OLAH: variants seen among roughly 807,000 people sequenced by gnomAD.
OLAH encodes the protein oleoyl-ACP hydrolase.
A neutral mutation model predicts 27.8 loss-of-function variants in OLAH; 33 were observed. The ratio of observed to expected loss-of-function variants is 1.19; its 90% CI spans 0.90 to 1.59. The LOEUF is 1.59. Among genes scored for constraint, OLAH ranks in the 40% most tolerant of loss-of-function variants. The pLI is 0.00. For synonymous variants in OLAH, 120 were observed against 102.9 expected (o/e 1.17, Z -1.01); for missense variants, 359 against 310.8 (o/e 1.16, Z -1.17).
upstream of OLAH, among the ~76,000 whole-genome samples, chr10:15,042,955 G>A (rs1235015318): frequency 7.0e-6 from 1 of 143,582 alleles, no homozygotes; most frequent in African/African-American, 2.6e-5. Flanking sequence ...CCGCCTCCCG[G>A]GTTCACACCA....
At chr10:15,035,880 A>G (rs985060526) in intron 1 of OLAH, among the ~76,000 whole-genome samples, 3 of 152,046 alleles carry the variant, frequency 2.0e-5, no homozygotes, top group Non-Finnish European at 2.9e-5. Flanking sequence ...GACACTCTCC[A>G]CTGTCTCCTT....
Position 15,064,520 on chromosome 10 carries a change from T to G in OLAH, c.402+18T>G. On this transcript the variant is annotated intron_variant, in intron 5 of 7. Transcript: ENST00000378228. Reference sequence around the variant, plus strand: ...CTGTACATGTAAGTAATTTAGCTTTTTCCTAGGAAGGGCAGTGGAGAGCAG... The same window carrying G: ...CTGTACATGTAAGTAATTTAGCTTTGTCCTAGGAAGGGCAGTGGAGAGCAG... 1 of 1,467,964 alleles carries G rather than the reference T, an allele frequency of 6.8e-7. No individual in the cohort carries two copies. Among genetic ancestry groups the G allele is most frequent in the Non-Finnish European group, 9.3e-7 (1 of 1,075,872 alleles). The allele number at this position is 1,467,964 out of a possible 1,614,324, so 90.9% of individuals were successfully genotyped here.
At chr10:15,035,986 C>G (rs1391057995) in intron 1 of OLAH, among the ~76,000 whole-genome samples, 1 of 152,068 alleles carries the variant, frequency 6.6e-6, no homozygotes, top group East Asian at 1.9e-4. Context: ...CATGGCCTCC[C>G]AGGGGCTGAG....
chr10:15,066,679 C>T (rs973562199), intron 6 of OLAH, among the ~76,000 whole-genome samples: 15 of 151,086 alleles, frequency 9.9e-5, no homozygotes, highest in African/African-American at 3.2e-4. Context: ...CTCACTTTGT[C>T]GCCCAGGCTG....
chr10:15,050,086 C>T (rs1844103953), intron 3 of OLAH, among the ~76,000 whole-genome samples: 1 of 152,070 alleles, frequency 6.6e-6, no homozygotes, highest in Non-Finnish European at 1.5e-5. Flanking sequence ...TCTATTTTCC[C>T]TTTTCTGCTT....
chr10:15,037,742 A>T (rs968395471), intron 1 of OLAH, among the ~76,000 whole-genome samples: 1 of 152,134 alleles, frequency 6.6e-6, no homozygotes. Context: ...AGTATAGGAA[A>T]TCTCATATTG....
intron 6 of OLAH, among the ~76,000 whole-genome samples, chr10:15,070,000 G>A (rs1379524139): frequency 1.3e-5 from 2 of 152,114 alleles, no homozygotes; most frequent in Non-Finnish European, 2.9e-5. Context: ...TACCTCTTCC[G>A]CCTGGACATT....
chr10:15,051,268 G>T (rs150674805), intron 3 of OLAH, among the ~76,000 whole-genome samples: 4 of 151,916 alleles, frequency 2.6e-5, no homozygotes, highest in East Asian at 1.9e-4. Flanking sequence ...TAGAGACGAG[G>T]TTTCATAGTC....
rs371302185 is a variant in OLAH at position 15,061,874 on chromosome 10, C to A, written c.302+12C>A. 6.2e-7 allele frequency: 1 copy of A among 1,610,912 alleles called. No individual in the cohort carries two copies. Among genetic ancestry groups the A allele is most frequent in the Non-Finnish European group, 8.5e-7 (1 of 1,178,812 alleles). On this transcript the variant is annotated intron_variant, in intron 4 of 7. Transcript: ENST00000378228. ...TTTTTTGGCCACAGGTATTTGATAT[C>A]TGTTTTAAAAGACTTCAGGGGAGTT...
intron 3 of OLAH, among the ~76,000 whole-genome samples, chr10:15,055,942 T>C (rs1179812611): frequency 6.6e-6 from 1 of 151,856 alleles, no homozygotes; most frequent in African/African-American, 2.4e-5. Flanking sequence ...CTCCACCTCC[T>C]GGGTTCAAGC....
intron 3 of OLAH, among the ~76,000 whole-genome samples, chr10:15,052,671 A>C (rs1165442109): frequency 1.3e-5 from 2 of 150,654 alleles, no homozygotes; most frequent in Admixed American, 1.3e-4. Flanking sequence ...AAAGAGTCTG[A>C]TATCATCCTG....
At chr10:15,045,899 C>T (rs1414738917) in intron 1 of OLAH, among the ~76,000 whole-genome samples, 11 of 151,920 alleles carry the variant, frequency 7.2e-5, no homozygotes, top group Non-Finnish European at 7.4e-5. Flanking sequence ...AGCCTGGTGG[C>T]GGGTGCCTGT....
chr10:15,072,096 G>A (rs1196998221), intron 7 of OLAH, among the ~76,000 whole-genome samples: 2 of 152,022 alleles, frequency 1.3e-5, no homozygotes, highest in Non-Finnish European at 2.9e-5. Flanking sequence ...ACCATACCCG[G>A]CTATTTTTTG....
Position 15,047,295 on chromosome 10 carries a change from AG to A in OLAH, c.8del (p.Arg3LysfsTer27). ...TGCAACCTCACCTCACAGCATGGAG[AG>A]AGGAGACCAACCTAAGAGAACCAGG... ME[R>X]GDQPKRTRNE... On this transcript the variant is annotated frameshift_variant, in exon 2 of 8. Coordinates refer to ENST00000378228, the MANE Select transcript of OLAH (RefSeq NM_001039702.3). LOFTEE classifies it high-confidence loss of function. 1 of 1,613,336 alleles carries A rather than the reference AG, an allele frequency of 6.2e-7. No homozygotes were observed. The highest frequency in any genetic ancestry group is 8.5e-7 in the Non-Finnish European group (1 of 1,179,704).
chr10:15,059,863 T>C (rs1205196099), intron 3 of OLAH, among the ~76,000 whole-genome samples: 2 of 152,180 alleles, frequency 1.3e-5, no homozygotes, highest in Non-Finnish European at 2.9e-5. Flanking sequence ...TCTATGTCTC[T>C]CTTCTGTGGC....
Position 15,065,562 on chromosome 10 carries a change from GTGT to G in OLAH, c.403-14_403-12del, listed in dbSNP as rs768925519. ...GTGTGTTATATGAAATATCAGGCCTGTGTTGTTGTTCATGTTTCAAGTCAAAGG... is the reference window on the plus strand; with the variant it reads ...GTGTGTTATATGAAATATCAGGCCTGTGTTGTTCATGTTTCAAGTCAAAGG... On this transcript the variant is annotated intron_variant, in intron 5 of 7. Coordinates refer to ENST00000378228, the MANE Select transcript of OLAH (RefSeq NM_001039702.3). 32 of 1,599,092 alleles carry G rather than the reference GTGT, an allele frequency of 2.0e-5. No individual in the cohort carries two copies. Among genetic ancestry groups the G allele is most frequent in the Non-Finnish European group, 2.5e-5 (29 of 1,174,004 alleles).
At chr10:15,059,133 C>G (rs1296163296) in intron 3 of OLAH, among the ~76,000 whole-genome samples, 2 of 56,674 alleles carry the variant, frequency 3.5e-5, no homozygotes, top group Non-Finnish European at 7.8e-5. Context: ...CCCCCCTTCC[C>G]TCCCTCTCCC....
chr10:15,033,659 C>G (rs1589232146), intron 1 of OLAH, among the ~76,000 whole-genome samples: 1 of 152,204 alleles, frequency 6.6e-6, no homozygotes, highest in Non-Finnish European at 1.5e-5. Flanking sequence ...TATGAAGGCA[C>G]CTGCAGTTTG....
Position 15,047,337 on chromosome 10 carries a change from G to A in OLAH, c.32+17G>A, listed in dbSNP as rs768644789. 2 of 1,612,728 alleles carry A rather than the reference G, an allele frequency of 1.2e-6. No individual in the cohort carries two copies. The highest frequency in any genetic ancestry group is 2.2e-5 in the South Asian group (2 of 90,784). On this transcript the variant is annotated intron_variant, in intron 2 of 7. Transcript: ENST00000378228. ...GAGAACCAGGCAGGCCACCCCTTGT[G>A]CCACCAGGCTCTTCCTCCATCCCAG...
Sources: allele counts gnomAD v4.1 joint callset (sites outside exome capture counted in the v4.1 genomes callset), GRCh38; gene constraint gnomAD v4.1.1; transcripts MANE v1.5; gene names NCBI Gene and HGNC (gene_info 2026-07-23, HGNC 2026-07-21).